RAB30: variants seen among roughly 807,000 people sequenced by gnomAD.
The protein encoded by RAB30 is RAB30, member RAS oncogene family.
A neutral mutation model predicts 25.1 loss-of-function variants in RAB30; 9 were observed. The ratio of observed to expected loss-of-function variants is 0.36; its 90% CI spans 0.22 to 0.63. The LOEUF (loss-of-function observed/expected upper bound fraction) is 0.63, where lower values mean the gene tolerates loss of function less well. Ranked by LOEUF, RAB30 falls within the 20% of genes least tolerant of loss-of-function variation. RAB30 has a pLI of 0.69. For missense variants in RAB30, 140 were observed against 243.5 expected (o/e 0.58, Z 2.83); for synonymous variants, 77 against 86.4 (o/e 0.89, Z 0.60).
intron 2 of RAB30, among the ~76,000 whole-genome samples, chr11:82,994,531 T>C (rs1320613019): frequency 6.6e-6 from 1 of 152,160 alleles, no homozygotes; most frequent in Non-Finnish European, 1.5e-5. Context: ...AATGGATAGG[T>C]TCTTTCTAAA....
intron 4 of RAB30, among the ~76,000 whole-genome samples, chr11:82,985,888 A>C (rs1468625438): frequency 6.6e-6 from 1 of 151,690 alleles, no homozygotes; most frequent in Non-Finnish European, 1.5e-5. Context: ...ATCTCGCTAC[A>C]TTGCCCAGGC....
Position 82,980,600 on chromosome 11 carries a change from G to A in RAB30, c.*1565C>T, listed in dbSNP as rs1473080366. The A allele has an allele frequency of 6.6e-6, 1 of 152,152 alleles. No homozygotes were observed. Among genetic ancestry groups the A allele is most frequent in the Non-Finnish European group, 1.5e-5 (1 of 68,036 alleles). 9.4% of individuals were successfully genotyped at this position (152,152 alleles called of 1,614,324 possible). A position where few individuals can be genotyped will look rare whatever the true frequency, so the allele number is the denominator to read the frequency against. On this transcript the variant is annotated 3_prime_UTR_variant, in exon 5 of 5. Coordinates refer to ENST00000527633, the MANE Select transcript of RAB30 (RefSeq NM_001286060.2). ...CAGTTATGCTAAGCAGCAAGCTACAGAAACATCTGACAGCATCAACAGCAT... is the reference window on the plus strand; with the variant it reads ...CAGTTATGCTAAGCAGCAAGCTACAAAAACATCTGACAGCATCAACAGCAT...
intron 1 of RAB30, chr11:83,039,207 T>A (rs534182666): frequency 1.7e-3 from 264 of 152,358 alleles, no homozygotes; most frequent in African/African-American, 6.2e-3. Flanking sequence ...AATAACTGAA[T>A]GAATGAATGA....
At chr11:83,004,579 A>C (rs1857148078) in intron 1 of RAB30, among the ~76,000 whole-genome samples, 1 of 152,222 alleles carries the variant, frequency 6.6e-6, no homozygotes, top group Non-Finnish European at 1.5e-5. Context: ...AGAAGGCATC[A>C]TAGGGGTTCT....
intron 1 of RAB30, among the ~76,000 whole-genome samples, chr11:83,032,605 C>CA (rs1250925281): frequency 2.0e-5 from 3 of 152,216 alleles, no homozygotes. Flanking sequence ...GCTGGAATTG[C>CA]AAACATGTGC....
At position 82,975,167 on chromosome 11, in the gene RAB30, A is replaced by T. The variant is rs1192821022; in HGVS notation, c.*6998T>A. ...AGGGATAAGAGGATTTTACATTTTT[A>T]AAAAATAAATCAATTAACATTCATT... On this transcript the variant is annotated 3_prime_UTR_variant, in exon 5 of 5. Coordinates refer to ENST00000527633, the MANE Select transcript of RAB30 (RefSeq NM_001286060.2). 5 of 152,110 alleles carry T rather than the reference A, an allele frequency of 3.3e-5. No homozygotes were observed. Among genetic ancestry groups the T allele is most frequent in the Non-Finnish European group, 4.4e-5 (3 of 67,998 alleles). 9.4% of individuals were successfully genotyped at this position (152,110 alleles called of 1,614,324 possible).
intron 1 of RAB30, among the ~76,000 whole-genome samples, chr11:83,039,599 A>G (rs1389123248): frequency 1.3e-5 from 2 of 152,168 alleles, no homozygotes. Context: ...GGATCACTTG[A>G]GCCTGGAATG....
intron 1 of RAB30, among the ~76,000 whole-genome samples, chr11:83,063,153 G>C (rs1270199050): frequency 6.6e-6 from 1 of 152,152 alleles, no homozygotes; most frequent in East Asian, 1.9e-4. Flanking sequence ...AGGGCAAAGT[G>C]ACTCACTGAT....
At chr11:82,986,808 C>G (rs1024289613) in intron 4 of RAB30, among the ~76,000 whole-genome samples, 6 of 152,194 alleles carry the variant, frequency 3.9e-5, no homozygotes, top group African/African-American at 4.8e-5. Context: ...AATTATAACA[C>G]TATTCTAAAG....
chr11:83,036,211 G>A lies in RAB30; in HGVS notation c.-9+35480C>T, dbSNP rs1189876376. On this transcript the variant is annotated intron_variant, in intron 1 of 4. Coordinates refer to ENST00000527633, the MANE Select transcript of RAB30 (RefSeq NM_001286060.2). ...AGATGGAGTCTCACTCCACCTCCCAGGCTGGAGTGCAGTGGCACGATCTTG... is the reference window on the plus strand; with the variant it reads ...AGATGGAGTCTCACTCCACCTCCCAAGCTGGAGTGCAGTGGCACGATCTTG... 2.7e-5 allele frequency among the ~76,000 whole-genome samples: 4 copies of A among 148,212 alleles called. No homozygotes were observed. The East Asian group carries it at 7.9e-4, about 29-fold the overall frequency.
At chr11:83,003,621 A>G (rs1857131532) in intron 1 of RAB30, among the ~76,000 whole-genome samples, 3 of 152,020 alleles carry the variant, frequency 2.0e-5, no homozygotes, top group African/African-American at 7.2e-5. Context: ...GGGTTTCTCC[A>G]TGTTGGTCAG....
intron 4 of RAB30, among the ~76,000 whole-genome samples, chr11:82,982,786 C>T (rs886627898): frequency 2.6e-5 from 4 of 152,080 alleles, no homozygotes; most frequent in African/African-American, 9.7e-5. Flanking sequence ...CGCTTGAACC[C>T]CAGAGGCAGA....
chr11:83,033,627 T>G (rs1857925023), intron 1 of RAB30, among the ~76,000 whole-genome samples: 1 of 152,010 alleles, frequency 6.6e-6, no homozygotes, highest in Non-Finnish European at 1.5e-5. Context: ...AATAACAGAG[T>G]TATGATTTGA....
At chr11:83,033,546 C>T (rs1213647971) in intron 1 of RAB30, among the ~76,000 whole-genome samples, 1 of 152,180 alleles carries the variant, frequency 6.6e-6, no homozygotes, top group East Asian at 1.9e-4. Flanking sequence ...ATTTATCTCA[C>T]TTAATCCCTA....
chr11:83,005,950 T>G (rs1857175325), intron 1 of RAB30, among the ~76,000 whole-genome samples: 1 of 150,946 alleles, frequency 6.6e-6, no homozygotes, highest in African/African-American at 2.5e-5. Flanking sequence ...ACTTACATTT[T>G]TTTTTTTAAA....
At chr11:83,032,023 C>G (rs12285071) in intron 1 of RAB30, among the ~76,000 whole-genome samples, 6,888 of 152,174 alleles carry the variant, frequency 0.045, 490 homozygotes, top group African/African-American at 0.15. Flanking sequence ...GCTGAAAGGA[C>G]GCCAAAGAAA....
At chr11:83,010,491 A>T (rs942898733) in intron 1 of RAB30, among the ~76,000 whole-genome samples, 1 of 152,242 alleles carries the variant, frequency 6.6e-6, no homozygotes, top group African/African-American at 2.4e-5. Context: ...ATAAATTTTT[A>T]AAATTCTTAC....
chr11:83,053,225 A>G (rs1858391856), intron 1 of RAB30, among the ~76,000 whole-genome samples: 1 of 152,148 alleles, frequency 6.6e-6, no homozygotes, highest in African/African-American at 2.4e-5. Context: ...TCCAGCTGTG[A>G]CCTTAAGCAA....
At chr11:83,002,648 G>C (rs1258510060) in intron 1 of RAB30, among the ~76,000 whole-genome samples, 1 of 152,044 alleles carries the variant, frequency 6.6e-6, no homozygotes, top group Non-Finnish European at 1.5e-5. Flanking sequence ...TTTAAAAGTG[G>C]CCTTTACCAG....
Sources: gnomAD v4.1 joint callset for allele counts (sites outside exome capture counted in the v4.1 genomes callset) on GRCh38, gnomAD v4.1.1 for gene constraint, MANE v1.5 for transcripts, NCBI Gene and HGNC (gene_info 2026-07-23, HGNC 2026-07-21) for gene names.